CORO1C: variants seen among roughly 807,000 people sequenced by gnomAD.
CORO1C encodes the protein coronin-1C.
Under a neutral mutation model 51.2 loss-of-function variants are expected in CORO1C, and 14 were observed. The observed-to-expected ratio is 0.27, with a 90% CI of 0.18 to 0.43. The LOEUF is 0.43. Among genes scored for constraint, CORO1C ranks in the 20% least tolerant of loss-of-function variants. The pLI, the probability that CORO1C is intolerant of heterozygous loss-of-function variation, is 1.00. For synonymous variants in CORO1C, 181 were observed against 210.5 expected (o/e 0.86, Z 1.21); for missense variants, 417 against 607.8 (o/e 0.69, Z 3.30).
At chr12:108,730,510 AC>A (rs1477151067) in intron 1 of CORO1C, 1 of 151,424 alleles carries the variant, frequency 6.6e-6, no homozygotes. Flanking sequence ...CTGCATTCCC[AC>A]CCTCCACGTC....
chr12:108,712,377 C>G (rs2035206525), intron 1 of CORO1C, among the ~76,000 whole-genome samples: 1 of 151,750 alleles, frequency 6.6e-6, no homozygotes, highest in African/African-American at 2.4e-5. Context: ...AATTCGAGAC[C>G]AGCCTGGCCA....
rs189449723 is a variant in CORO1C at position 108,705,408 on chromosome 12, C to T, written c.-5-4085G>A. ...CTGGGAGGCAGAGGTCGCAGTGAGCCGAGATCACGCCACTGCACTCCAGCC... is the reference window on the plus strand; with the variant it reads ...CTGGGAGGCAGAGGTCGCAGTGAGCTGAGATCACGCCACTGCACTCCAGCC... On this transcript the variant is annotated intron_variant, in intron 1 of 10. Coordinates refer to ENST00000261401, the MANE Select transcript of CORO1C (RefSeq NM_014325.4). Among the ~76,000 whole-genome samples, 14 of 131,308 alleles carry T rather than the reference C, an allele frequency of 1.1e-4. No individual in the cohort carries two copies. The East Asian group carries it at 2.9e-3, about 27-fold the overall frequency. The allele number at this position is 131,308 out of a possible 152,430, so 86.1% of individuals were successfully genotyped here. A position where few individuals can be genotyped will look rare whatever the true frequency, so the allele number is the denominator to read the frequency against.
chr12:108,709,347 T>C (rs1331205652), intron 1 of CORO1C, among the ~76,000 whole-genome samples: 2 of 152,192 alleles, frequency 1.3e-5, no homozygotes, highest in Non-Finnish European at 2.9e-5. Flanking sequence ...CTACTGATTA[T>C]GGGCTAAAAG....
chr12:108,717,799 A>T lies in CORO1C; in HGVS notation c.-6+13630T>A, dbSNP rs191824146. On this transcript the variant is annotated intron_variant, in intron 1 of 10. Coordinates refer to ENST00000261401, the MANE Select transcript of CORO1C (RefSeq NM_014325.4). ...AAAACCATGGGAAAAATACTTTAAA[A>T]TTTATTTTTTAAAACATAATTACCT... Among the ~76,000 whole-genome samples the T allele has an allele frequency of 2.6e-5, 4 of 152,334 alleles. No homozygotes were observed. The East Asian group carries it at 7.7e-4, about 29-fold the overall frequency.
chr12:108,708,794 T>C (rs944033574), intron 1 of CORO1C, among the ~76,000 whole-genome samples: 2 of 151,944 alleles, frequency 1.3e-5, no homozygotes, highest in Admixed American at 1.3e-4. Flanking sequence ...AGAGTCTCAC[T>C]CTGCACTCAG....
chr12:108,651,368 A>G (rs2032645414), intron 8 of CORO1C, among the ~76,000 whole-genome samples: 1 of 152,236 alleles, frequency 6.6e-6, no homozygotes, highest in African/African-American at 2.4e-5. Flanking sequence ...GTTGACTAGC[A>G]TGAGAAAAAA....
rs2032306207 is a variant in CORO1C at position 108,645,293 on chromosome 12, T to C, written c.*2110A>G. 6.6e-6 allele frequency: 1 copy of C among 151,558 alleles called. No individual in the cohort carries two copies. The highest frequency in any genetic ancestry group is 2.1e-4 in the South Asian group (1 of 4,796). 9.4% of individuals were successfully genotyped at this position (151,558 alleles called of 1,614,324 possible). ...TCCACAATGCTTTGGGCGCCTACTC[T>C]GAGCTTGGCTGGGCATCCATTCATT... is the stretch of plus-strand genomic sequence containing the variant. On this transcript the variant is annotated 3_prime_UTR_variant, in exon 11 of 11. Coordinates refer to ENST00000261401, the MANE Select transcript of CORO1C (RefSeq NM_014325.4).
intron 1 of CORO1C, chr12:108,702,999 T>G (rs1565930983): frequency 1.0e-5 from 15 of 1,456,098 alleles, no homozygotes; most frequent in Non-Finnish European, 1.4e-5. Context: ...CCAGGGTCCT[T>G]CATTTTGGAA....
intron 1 of CORO1C, among the ~76,000 whole-genome samples, chr12:108,729,971 T>C (rs1274190134): frequency 6.6e-6 from 1 of 152,170 alleles, no homozygotes; most frequent in Non-Finnish European, 1.5e-5. Flanking sequence ...GCCCTACAAG[T>C]ACTGTTTTAG....
chr12:108,709,207 T>A (rs11114035), intron 1 of CORO1C, among the ~76,000 whole-genome samples: 73,900 of 151,828 alleles, frequency 0.49, 18,403 homozygotes, highest in South Asian at 0.69. Flanking sequence ...ACTGTTTTTT[T>A]AAAAAAACTA....
chr12:108,656,336 G>C (rs1441900574), intron 6 of CORO1C, among the ~76,000 whole-genome samples: 1 of 44,878 alleles, frequency 2.2e-5, no homozygotes, highest in African/African-American at 7.6e-5. Flanking sequence ...GGAGGGAGGT[G>C]GGGGGTCAGC....
intron 7 of CORO1C, chr12:108,653,020 TCA>T (rs2032753103): frequency 6.5e-6 from 1 of 152,770 alleles, no homozygotes; most frequent in Admixed American, 6.5e-5. Context: ...CAAATAATTG[TCA>T]CACAGTTACA....
intron 3 of CORO1C, among the ~76,000 whole-genome samples, chr12:108,663,873 C>A (rs181699722): frequency 2.6e-5 from 4 of 152,072 alleles, no homozygotes; most frequent in African/African-American, 9.7e-5. Flanking sequence ...ATCCTCTTGA[C>A]TAGTGAAGAC....
chr12:108,673,349 G>A (rs1374594387), intron 3 of CORO1C, among the ~76,000 whole-genome samples: 1 of 152,180 alleles, frequency 6.6e-6, no homozygotes, highest in Non-Finnish European at 1.5e-5. Context: ...ATTCCATGGA[G>A]GCTGACAGAG....
intron 1 of CORO1C, among the ~76,000 whole-genome samples, chr12:108,704,471 CA>C (rs56011926): frequency 2.5e-3 from 339 of 135,878 alleles, no homozygotes; most frequent in Middle Eastern, 3.8e-3. Context: ...GATTCCATCT[CA>C]AAAAAAAAAA....
chr12:108,667,092 C>G (rs545748816), intron 3 of CORO1C, among the ~76,000 whole-genome samples: 5 of 151,114 alleles, frequency 3.3e-5, no homozygotes, highest in African/African-American at 9.7e-5. Context: ...AAAAAAAGAG[C>G]CTACCATATT....
intron 2 of CORO1C, among the ~76,000 whole-genome samples, chr12:108,692,572 G>A (rs1246112701): frequency 2.6e-5 from 4 of 152,206 alleles, no homozygotes; most frequent in East Asian, 1.9e-4. Context: ...TTATCAGCAC[G>A]GCGCCTGGCA....
intron 1 of CORO1C, among the ~76,000 whole-genome samples, chr12:108,720,138 A>G (rs928871094): frequency 2.6e-5 from 4 of 152,190 alleles, no homozygotes; most frequent in Non-Finnish European, 4.4e-5. Flanking sequence ...TTGAGCCTCA[A>G]TCACACCACT....
chr12:108,652,855 T>G (rs1233078989), intron 7 of CORO1C, among the ~76,000 whole-genome samples: 1 of 27,970 alleles, frequency 3.6e-5, no homozygotes, highest in African/African-American at 2.0e-4. Context: ...TATGCCAGTA[T>G]GATGATAAAA....
Sources: allele counts gnomAD v4.1 joint callset (sites outside exome capture counted in the v4.1 genomes callset), GRCh38; gene constraint gnomAD v4.1.1; transcripts MANE v1.5; gene names NCBI Gene and HGNC (gene_info 2026-07-23, HGNC 2026-07-21).